SLC35F4: variants seen among roughly 807,000 people sequenced by gnomAD.
The protein encoded by SLC35F4 is solute carrier family 35 member F4.
In SLC35F4, 24 loss-of-function variants were observed where a neutral mutation model predicts 44.2. That is an observed-to-expected ratio of 0.54 (90% confidence interval 0.39 to 0.76). SLC35F4 has a LOEUF of 0.76. SLC35F4 is among the 30% of genes least tolerant of loss of function. The probability of loss-of-function intolerance (pLI) is 0.00; values close to 1 mark genes in which losing one functional copy is unlikely to be tolerated. For synonymous variants in SLC35F4, 238 were observed against 223.6 expected, an observed-to-expected ratio of 1.06 and a Z score of -0.57; for missense variants, 562 against 586.1, an observed-to-expected ratio of 0.96 and a Z score of 0.42.
intron 1 of SLC35F4, among the ~76,000 whole-genome samples, chr14:57,619,304 C>A (rs1329219577): frequency 6.6e-6 from 1 of 152,176 alleles, no homozygotes; most frequent in Non-Finnish European, 1.5e-5. Context: ...TGGCTGGCAT[C>A]TGGCGGGTGC....
intron 1 of SLC35F4, among the ~76,000 whole-genome samples, chr14:57,675,460 C>T (rs146818777): frequency 1.8e-3 from 270 of 152,072 alleles, no homozygotes; most frequent in Middle Eastern, 3.4e-3. Context: ...CACTGGCAAA[C>T]GGCAACAATT....
chr14:57,982,596 A>G (rs1041621301), upstream of SLC35F4, among the ~76,000 whole-genome samples: 1 of 152,126 alleles, frequency 6.6e-6, no homozygotes, highest in Non-Finnish European at 1.5e-5. Context: ...CCAGATCATG[A>G]GCGATAATTG....
intron 4 of SLC35F4, among the ~76,000 whole-genome samples, chr14:57,578,159 TAGAAGTAG>T (rs2068934979): frequency 6.6e-6 from 1 of 151,718 alleles, no homozygotes; most frequent in Non-Finnish European, 1.5e-5. Context: ...AAAAAAAAAT[TAGAAGTAG>T]GGAAGGCCAT....
chr14:57,883,022 G>A (rs186932731), intron 1 of SLC35F4, among the ~76,000 whole-genome samples: 163 of 150,986 alleles, frequency 1.1e-3, no homozygotes, highest in African/African-American at 3.8e-3. Context: ...GAGGAGGAGA[G>A]GAGGGGAGGG....
downstream of SLC35F4, among the ~76,000 whole-genome samples, chr14:57,975,352 G>A (rs941057151): frequency 6.6e-6 from 1 of 152,166 alleles, no homozygotes; most frequent in Non-Finnish European, 1.5e-5. Flanking sequence ...AAACTACTGG[G>A]GTTCCATCAT....
chr14:57,955,598 G>A (rs181875765), intron 1 of SLC35F4, among the ~76,000 whole-genome samples: 1 of 152,236 alleles, frequency 6.6e-6, no homozygotes, highest in Admixed American at 6.5e-5. Flanking sequence ...AAAGTCTCAG[G>A]ATACAAAATC....
At chr14:57,834,954 A>T (rs1180069303) in intron 1 of SLC35F4, among the ~76,000 whole-genome samples, 1 of 152,192 alleles carries the variant, frequency 6.6e-6, no homozygotes, top group Non-Finnish European at 1.5e-5. Context: ...GCTTGAACCC[A>T]GAAGGCAGAG....
intron 1 of SLC35F4, among the ~76,000 whole-genome samples, chr14:57,704,460 C>T (rs760660791): frequency 8.5e-5 from 13 of 152,066 alleles, no homozygotes; most frequent in Non-Finnish European, 1.5e-4. Context: ...AAATGTTCAT[C>T]GTTACAAAGA....
chr14:57,622,924 G>A (rs2072268961), intron 1 of SLC35F4, among the ~76,000 whole-genome samples: 1 of 152,060 alleles, frequency 6.6e-6, no homozygotes, highest in Admixed American at 6.6e-5. Context: ...AAAATAACTA[G>A]CTAGCATCAT....
intron 1 of SLC35F4, among the ~76,000 whole-genome samples, chr14:57,694,610 T>C (rs551100661): frequency 2.0e-5 from 3 of 152,298 alleles, no homozygotes; most frequent in African/African-American, 7.2e-5. Flanking sequence ...TCACAGAATC[T>C]ATCCCTCAGT....
In SLC35F4 at chr14:57,722,692, T is replaced by C. The variant is rs1365898060; in HGVS notation, c.104-128568A>G. Among the ~76,000 whole-genome samples, 4 of 152,214 alleles carry C rather than the reference T, an allele frequency of 2.6e-5. No individual in the cohort carries two copies. In the South Asian group the frequency reaches 8.3e-4, roughly 32 times the overall value. On this transcript the variant is annotated intron_variant, in intron 1 of 7. Coordinates refer to ENST00000556826, the MANE Select transcript of SLC35F4 (RefSeq NM_001306087.2). ...GCGGCAATCAGAATAGTCTGACTTC[T>C]GTAGAGCTCTGGCATTGGCTAATTA...
intron 1 of SLC35F4, among the ~76,000 whole-genome samples, chr14:57,701,529 G>A (rs78392502): frequency 0.012 from 1,788 of 152,044 alleles, 16 homozygotes; most frequent in Non-Finnish European, 0.016. Context: ...TACAGCTGGC[G>A]GCATAGTAGG....
intron 1 of SLC35F4, among the ~76,000 whole-genome samples, chr14:57,833,644 C>T (rs1302084413): frequency 3.3e-5 from 5 of 152,176 alleles, no homozygotes; most frequent in African/African-American, 4.8e-5. Context: ...GAGGATACAC[C>T]GGAGTTACAA....
intron 1 of SLC35F4, among the ~76,000 whole-genome samples, chr14:57,679,390 T>G (rs1190137889): frequency 6.6e-6 from 1 of 152,050 alleles, no homozygotes; most frequent in Non-Finnish European, 1.5e-5. Context: ...TAGAGGGAAA[T>G]GTACAGCACT....
At chr14:57,649,271 T>G (rs1309505835) in intron 1 of SLC35F4, among the ~76,000 whole-genome samples, 12 of 152,136 alleles carry the variant, frequency 7.9e-5, no homozygotes. Flanking sequence ...CAACACAGAT[T>G]TATTATATTG....
At chr14:57,644,187 C>T (rs975755399) in intron 1 of SLC35F4, among the ~76,000 whole-genome samples, 12 of 152,268 alleles carry the variant, frequency 7.9e-5, no homozygotes, top group South Asian at 2.1e-4. Context: ...CCTGAGGAAT[C>T]GCCACACTGA....
At chr14:57,943,682 A>G (rs1408756264) in intron 1 of SLC35F4, among the ~76,000 whole-genome samples, 1 of 152,192 alleles carries the variant, frequency 6.6e-6, no homozygotes, top group East Asian at 1.9e-4. Flanking sequence ...CGATGTCTGC[A>G]CGGATCATGG....
At chr14:57,847,827 C>T (rs1886174951) in intron 1 of SLC35F4, among the ~76,000 whole-genome samples, 1 of 152,078 alleles carries the variant, frequency 6.6e-6, no homozygotes, top group Non-Finnish European at 1.5e-5. Flanking sequence ...TGCCATTTAT[C>T]TTAGTTTACA....
intron 1 of SLC35F4, among the ~76,000 whole-genome samples, chr14:57,882,309 T>C (rs1038319591): frequency 6.6e-6 from 1 of 152,148 alleles, no homozygotes; most frequent in South Asian, 2.1e-4. Flanking sequence ...ATTTTCAGAA[T>C]CCAGGTGAAA....
Sources: allele counts gnomAD v4.1 joint callset (sites outside exome capture counted in the v4.1 genomes callset), GRCh38; gene constraint gnomAD v4.1.1; transcripts MANE v1.5; gene names NCBI Gene and HGNC (gene_info 2026-07-23, HGNC 2026-07-21).